The following FLRT1 variants were observed in gnomAD, a reference collection of about 807,000 sequenced individuals.
FLRT1 encodes leucine-rich repeat transmembrane protein FLRT1.
Under a neutral mutation model 30.9 loss-of-function variants are expected in FLRT1, and 14 were observed. The ratio of observed to expected loss-of-function variants is 0.45; its 90% CI spans 0.30 to 0.71. FLRT1 has a LOEUF of 0.71. Among genes scored for constraint, FLRT1 ranks in the 30% least tolerant of loss-of-function variants. The pLI is 0.08. For synonymous variants in FLRT1, 368 were observed against 430.4 expected (o/e 0.85, Z 1.80); for missense variants, 737 against 949.2 (o/e 0.78, Z 2.94).
At position 64,091,609 on chromosome 11, in the gene FLRT1, G is replaced by A. The variant is rs369615219; in HGVS notation, c.-1037-11585G>A. On this transcript the variant is annotated intron_variant, in intron 1 of 2. Coordinates refer to ENST00000682287, the MANE Select transcript of FLRT1 (RefSeq NM_013280.5). ...CTCCTGGAGTCCTTGCCACAGCCTA[G>A]GACGTTGCCGCCACCATCCCCCCAT... Among the ~76,000 whole-genome samples, 75 of 152,240 alleles carry A rather than the reference G, an allele frequency of 4.9e-4. 1 individual carries two copies. The East Asian group carries it at 0.014, about 28-fold the overall frequency.
At position 64,117,593 on chromosome 11, in the gene FLRT1, C is replaced by G; in HGVS notation, c.1326C>G (p.His442Gln). ...TGDGAKTLAIHVKALTADSIR... is the reference protein window; with the variant it reads ...TGDGAKTLAIQVKALTADSIR... ...ATGGCGCCAAGACCCTGGCCATCCA[C>G]GTGAAGGCCCTGACGGCAGACTCCA... is the stretch of plus-strand genomic sequence containing the variant. Residue 442 changes from histidine to glutamine, a missense_variant, in exon 3 of 3, where the codon CAC becomes CAG. Transcript: ENST00000682287. 1 of 1,612,932 alleles carries G rather than the reference C, an allele frequency of 6.2e-7. No homozygotes were observed. The highest frequency in any genetic ancestry group is 1.3e-5 in the African/African-American group (1 of 75,056).
At chr11:64,048,783 C>T (rs956437121) in intron 1 of FLRT1, among the ~76,000 whole-genome samples, 1 of 152,220 alleles carries the variant, frequency 6.6e-6, no homozygotes, top group Non-Finnish European at 1.5e-5. Flanking sequence ...CTGGATCCCA[C>T]TCCAGAACCC....
In FLRT1 at chr11:64,036,761, C is replaced by G. The variant is rs954487763; in HGVS notation, c.-1038+602C>G. On this transcript the variant is annotated intron_variant, in intron 1 of 2. Transcript: ENST00000682287. This position sits in a 1 kb window ranked among gnomAD's most constrained non-coding sequence, Gnocchi z 5.6. Reference sequence around the variant, plus strand: ...CCGGGCGGGGGCTGGGGCCGTACACCTGGCGGCTGGAACGGTGAGACCATG... The same window carrying G: ...CCGGGCGGGGGCTGGGGCCGTACACGTGGCGGCTGGAACGGTGAGACCATG... Among the ~76,000 whole-genome samples, 1 of 152,230 alleles carries G rather than the reference C, an allele frequency of 6.6e-6. No homozygotes were observed. The highest frequency in any genetic ancestry group is 6.5e-5 in the Admixed American group (1 of 15,286).
chr11:64,117,499 C>A lies in FLRT1; in HGVS notation c.1232C>A (p.Thr411Asn), dbSNP rs201127490. Residue 411 changes from threonine to asparagine, a missense_variant, in exon 3 of 3, where the codon ACC (threonine) becomes AAC (asparagine). Thr to Asn is a moderately conservative substitution (Grantham distance 65, BLOSUM62 0). Transcript: ENST00000682287. ...SATTPQGSLF[T>N]LKAKRPGLRL... ...ACCACGCCCCAGGGTTCCCTGTTTA[C>A]CCTCAAGGCCAAAAGGCCAGGGCTG... 2 of 1,610,396 alleles carry A rather than the reference C, an allele frequency of 1.2e-6. No homozygotes were observed. Among genetic ancestry groups the A allele is most frequent in the Non-Finnish European group, 1.7e-6 (2 of 1,177,512 alleles).
In FLRT1 at chr11:64,118,599, T is replaced by A. The variant is rs1446655323; in HGVS notation, c.*307T>A. On this transcript the variant is annotated 3_prime_UTR_variant, in exon 3 of 3. Coordinates refer to ENST00000682287, the MANE Select transcript of FLRT1 (RefSeq NM_013280.5). ...TGCAGGCAGGGCTGGGTTGGGTTTT[T>A]TTTTTTTCCCCCCTGAACTGGAAGG... is the stretch of plus-strand genomic sequence containing the variant. 2 of 300,012 alleles carry A rather than the reference T, an allele frequency of 6.7e-6. No individual in the cohort carries two copies. Among genetic ancestry groups the A allele is most frequent in the Non-Finnish European group, 1.3e-5 (2 of 151,268 alleles). 18.6% of individuals were successfully genotyped at this position (300,012 alleles called of 1,614,324 possible).
intron 1 of FLRT1, among the ~76,000 whole-genome samples, chr11:64,102,183 C>G (rs1467002668): frequency 6.6e-6 from 1 of 152,160 alleles, no homozygotes; most frequent in Non-Finnish European, 1.5e-5. Flanking sequence ...TAATAAAAGC[C>G]CTTTTCCAAA....
chr11:64,086,104 A>G (rs1333225182), intron 1 of FLRT1, among the ~76,000 whole-genome samples: 1 of 152,118 alleles, frequency 6.6e-6, no homozygotes, highest in Non-Finnish European at 1.5e-5. Context: ...GGGCCAGGCC[A>G]TGAGCACTCA....
chr11:64,043,814 C>CT (rs113497225), intron 1 of FLRT1, among the ~76,000 whole-genome samples: 41,339 of 144,400 alleles, frequency 0.29, 6,238 homozygotes, highest in African/African-American at 0.41. Flanking sequence ...GACATGGCAT[C>CT]TTTTTTTTTT....
intron 1 of FLRT1, among the ~76,000 whole-genome samples, chr11:64,047,369 C>G (rs1943604417): frequency 6.6e-6 from 1 of 152,194 alleles, no homozygotes; most frequent in Non-Finnish European, 1.5e-5. Flanking sequence ...GGTTCAGTCA[C>G]TGGGCCAAGG....
At chr11:64,107,870 C>G (rs1944791066) in intron 2 of FLRT1, among the ~76,000 whole-genome samples, 2 of 152,242 alleles carry the variant, frequency 1.3e-5, no homozygotes, top group South Asian at 4.1e-4. Context: ...ACTCACACGA[C>G]TCAAGGCTCC....
At chr11:64,075,537 G>T (rs1306428474) in intron 1 of FLRT1, among the ~76,000 whole-genome samples, 2 of 152,276 alleles carry the variant, frequency 1.3e-5, no homozygotes, top group Admixed American at 1.3e-4. Flanking sequence ...AACAGGCAGA[G>T]GTGGAGGGAT....
intron 1 of FLRT1, among the ~76,000 whole-genome samples, chr11:64,101,739 G>A (rs1041312860): frequency 1.1e-4 from 17 of 152,130 alleles, no homozygotes; most frequent in Admixed American, 9.2e-4. Flanking sequence ...TCCCTCCTGC[G>A]TAAGCCCCAC....
Position 64,103,912 on chromosome 11 carries a change from C to CCA in FLRT1, c.-316_-315dup, listed in dbSNP as rs1944713449. 1 of 152,382 alleles carries CCA rather than the reference C, an allele frequency of 6.6e-6. No homozygotes were observed. The highest frequency in any genetic ancestry group is 1.5e-5 in the Non-Finnish European group (1 of 68,094). The allele number at this position is 152,382 out of a possible 1,614,324, so 9.4% of individuals were successfully genotyped here. A position where few individuals can be genotyped will look rare whatever the true frequency, so the allele number is the denominator to read the frequency against. ...TGCCAAGGAGGCTGCTGATTGTGGC[C>CCA]CACAGCCTCATCTGAACGCCAGGAG... On this transcript the variant is annotated 5_prime_UTR_variant, in exon 2 of 3. It removes the in-frame stop codon of an upstream open reading frame in the 5' UTR. Transcript: ENST00000682287.
chr11:64,100,471 G>A (rs1184928006), intron 1 of FLRT1, among the ~76,000 whole-genome samples: 2 of 152,196 alleles, frequency 1.3e-5, no homozygotes, highest in African/African-American at 2.4e-5. Flanking sequence ...CTGTGGGAAC[G>A]GGGGAGGCCA....
At chr11:64,089,066 C>T (rs1278380806) in intron 1 of FLRT1, among the ~76,000 whole-genome samples, 1 of 152,186 alleles carries the variant, frequency 6.6e-6, no homozygotes, top group African/African-American at 2.4e-5. Flanking sequence ...CGCCGGCTGT[C>T]CTCCCTCCCT....
At chr11:64,077,900 C>A (rs1349740350) in intron 1 of FLRT1, among the ~76,000 whole-genome samples, 2 of 152,224 alleles carry the variant, frequency 1.3e-5, no homozygotes, top group African/African-American at 2.4e-5. Flanking sequence ...TATGTTTAGG[C>A]CCTTAGACCC....
intron 1 of FLRT1, among the ~76,000 whole-genome samples, chr11:64,092,237 T>C (rs552880715): frequency 6.6e-6 from 1 of 152,338 alleles, no homozygotes; most frequent in East Asian, 1.9e-4. Flanking sequence ...GTTCTTGTCT[T>C]TCTGTCTGCC....
At chr11:64,056,466 G>A (rs561058258) in intron 1 of FLRT1, among the ~76,000 whole-genome samples, 12 of 152,348 alleles carry the variant, frequency 7.9e-5, no homozygotes, top group Admixed American at 6.5e-4. Flanking sequence ...GAGCAGCTGC[G>A]GGAACAGGAG....
rs111240855 is a variant in FLRT1 at position 64,118,406 on chromosome 11, C to T, written c.*114C>T. ...CAAGGAAGAGAAATTCCATGGGTGACTTTCCTCCGCAGAAAGCAAAGTTTG... is the reference window on the plus strand; with the variant it reads ...CAAGGAAGAGAAATTCCATGGGTGATTTTCCTCCGCAGAAAGCAAAGTTTG... On this transcript the variant is annotated 3_prime_UTR_variant, in exon 3 of 3. Coordinates refer to ENST00000682287, the MANE Select transcript of FLRT1 (RefSeq NM_013280.5). 1.0e-5 allele frequency: 13 copies of T among 1,299,482 alleles called. No individual in the cohort carries two copies. The East Asian group carries it at 3.1e-4, about 31-fold the overall frequency. The allele number at this position is 1,299,482 out of a possible 1,614,324, so 80.5% of individuals were successfully genotyped here.
Sources: gnomAD v4.1 joint callset for allele counts (sites outside exome capture counted in the v4.1 genomes callset) on GRCh38, gnomAD v4.1.1 for gene constraint, Gnocchi (gnomAD v3.1) non-coding constraint, MANE v1.5 for transcripts, NCBI Gene and HGNC (gene_info 2026-07-23, HGNC 2026-07-21) for gene names.